CDKL3: variants seen among roughly 807,000 people sequenced by gnomAD.
CDKL3 encodes the protein cyclin-dependent kinase-like 3.
Under a neutral mutation model 69.3 loss-of-function variants are expected in CDKL3, and 65 were observed. That is an observed-to-expected ratio of 0.94 (90% CI 0.77 to 1.15). The LOEUF is 1.15. Among genes scored for constraint, CDKL3 ranks in the 50% most tolerant of loss-of-function variants. The pLI is 0.00. For missense variants in CDKL3, 652 were observed against 689.2 expected (o/e 0.95, Z 0.61); for synonymous variants, 202 against 221.6 (o/e 0.91, Z 0.79).
At chr5:134,350,465 G>A (rs144191392) in intron 3 of CDKL3, 38 bp from the exon 4 acceptor site, 7 of 1,335,996 alleles carry the variant, frequency 5.2e-6, no homozygotes, top group Non-Finnish European at 7.3e-6. Flanking sequence ...ATTAAAATGA[G>A]ATTTCATTAT....
At chr5:134,333,799 T>A (rs1303982911) in intron 4 of CDKL3, among the ~76,000 whole-genome samples, 1 of 152,224 alleles carries the variant, frequency 6.6e-6, no homozygotes, top group Non-Finnish European at 1.5e-5. Flanking sequence ...TGCCAGGCTT[T>A]TGTATCATGA....
chr5:134,371,300 G>T, upstream of CDKL3: 1 of 533,856 alleles, frequency 1.9e-6, no homozygotes, highest in South Asian at 2.0e-5. Flanking sequence ...ACACAAATTT[G>T]TCTATTACTT....
upstream of CDKL3, chr5:134,371,045 A>C (rs945008370): frequency 1.1e-5 from 2 of 185,486 alleles, no homozygotes; most frequent in Non-Finnish European, 2.3e-5. Context: ...ACCCGTTCTA[A>C]ACGCGTCATA....
At chr5:134,325,533 C>T (rs562799748) in intron 4 of CDKL3, among the ~76,000 whole-genome samples, 1 of 150,954 alleles carries the variant, frequency 6.6e-6, no homozygotes, top group Non-Finnish European at 1.5e-5. Flanking sequence ...TATTTAATAA[C>T]AGTTTTCCAG....
chr5:134,334,640 T>C (rs1776613772), intron 4 of CDKL3, among the ~76,000 whole-genome samples: 1 of 152,236 alleles, frequency 6.6e-6, no homozygotes, highest in Non-Finnish European at 1.5e-5. Flanking sequence ...CATTTCTTAA[T>C]CCTGAGTTCT....
intron 3 of CDKL3, among the ~76,000 whole-genome samples, chr5:134,356,409 G>A (rs767581265): frequency 1.3e-5 from 2 of 152,230 alleles, no homozygotes; most frequent in African/African-American, 2.4e-5. Flanking sequence ...GGTATTGGTT[G>A]TGGCCCAGGG....
chr5:134,371,552 G>A (rs759016254), upstream of CDKL3: 22 of 1,604,602 alleles, frequency 1.4e-5, no homozygotes, highest in Non-Finnish European at 1.7e-5. Context: ...GGGGCTGCGC[G>A]GGACTTTTTT....
rs1768437319 is a variant in CDKL3, at chr5:134,308,277, T to A, written c.1225A>T (p.Ile409Phe). ...KLVTIEPPNP[I>F]NPSTNCNGLK... is the part of the protein sequence containing the mutation. ...CCATTACAGTTAGTGCTGGGATTGA[T>A]AGGGTTTGGTGGTTCAATGGTTACA... The change falls in exon 9 of 13, where the codon ATC (isoleucine) becomes TTC (phenylalanine). Residue 409 changes from isoleucine (I) to phenylalanine (F), a missense_variant. Transcript: ENST00000265334. 1 of 1,613,826 alleles carries A rather than the reference T, an allele frequency of 6.2e-7. No individual in the cohort carries two copies. Among genetic ancestry groups the A allele is most frequent in the South Asian group, 1.1e-5 (1 of 91,090 alleles).
intron 1 of CDKL3, 124 bp from the exon 2 acceptor site, chr5:134,366,668 A>C (rs1273899355): frequency 6.9e-6 from 5 of 727,060 alleles, no homozygotes; most frequent in Non-Finnish European, 1.1e-5. Context: ...AAAAAAAAAA[A>C]AGGAATCTTT....
chr5:134,366,031 A>T (rs1199301848), intron 2 of CDKL3, among the ~76,000 whole-genome samples: 2 of 152,200 alleles, frequency 1.3e-5, no homozygotes, highest in African/African-American at 4.8e-5. Context: ...TAAATTATAG[A>T]AGTCTTTAAG....
chr5:134,367,079 G>C lies in CDKL3; in HGVS notation c.-124C>G, dbSNP rs1466061311. On this transcript the variant is annotated 5_prime_UTR_variant, in exon 1 of 13. Coordinates refer to ENST00000265334, the MANE Select transcript of CDKL3 (RefSeq NM_001113575.2). Reference sequence around the variant, plus strand: ...GGTCTGGCTCTGCGTAGTTCCAGTGGAGCCACCGAACACTGATACTACTTT... The same window carrying C: ...GGTCTGGCTCTGCGTAGTTCCAGTGCAGCCACCGAACACTGATACTACTTT... 1.0e-6 allele frequency: 1 copy of C among 986,676 alleles called. No individual in the cohort carries two copies. The highest frequency in any genetic ancestry group is 1.1e-4 in the East Asian group (1 of 8,846). The allele number at this position is 986,676 out of a possible 1,614,324, so 61.1% of individuals were successfully genotyped here. A position where few individuals can be genotyped will look rare whatever the true frequency, so the allele number is the denominator to read the frequency against.
chr5:134,330,068 C>T (rs1775396725), intron 4 of CDKL3, among the ~76,000 whole-genome samples: 1 of 151,518 alleles, frequency 6.6e-6, no homozygotes, highest in African/African-American at 2.4e-5. Flanking sequence ...AAAATATAAA[C>T]TTTATTCTCA....
At chr5:134,303,319 C>T (rs886362363) in intron 11 of CDKL3, among the ~76,000 whole-genome samples, 5 of 152,050 alleles carry the variant, frequency 3.3e-5, no homozygotes, top group African/African-American at 9.7e-5. Flanking sequence ...TCAGGTGATC[C>T]GCCCACCTTG....
At chr5:134,360,844 T>C (rs574093673) in intron 2 of CDKL3, among the ~76,000 whole-genome samples, 1 of 152,304 alleles carries the variant, frequency 6.6e-6, no homozygotes, top group South Asian at 2.1e-4. Context: ...AAACCTAAAC[T>C]CTAGAAAGTA....
At position 134,308,448 on chromosome 5, in the gene CDKL3, T is replaced by G; in HGVS notation, c.1054A>C (p.Lys352Gln). 1 of 1,600,918 alleles carries G rather than the reference T, an allele frequency of 6.2e-7. No individual in the cohort carries two copies. Among genetic ancestry groups the G allele is most frequent in the Non-Finnish European group, 8.5e-7 (1 of 1,175,792 alleles). The change falls in exon 9 of 13, where the codon AAG becomes CAG. Residue 352 changes from lysine to glutamine, a missense_variant. Transcript: ENST00000265334. ...ACTCTGACTTTGATCTCCTTGGGCT[T>G]TTTCTCTTTTTCTATTTCCTGGAAT... The part of the protein sequence containing the change: ...VLGKEIEKEK[K>Q]PKEIKVRVIK...
intron 10 of CDKL3, among the ~76,000 whole-genome samples, chr5:134,306,300 G>T (rs918543920): frequency 6.6e-6 from 1 of 152,114 alleles, no homozygotes; most frequent in African/African-American, 2.4e-5. Context: ...TTTGAGACCA[G>T]CCTGGGCAAC....
chr5:134,299,836 C>G, intron 12 of CDKL3: 1 of 872,424 alleles, frequency 1.1e-6, no homozygotes, highest in South Asian at 1.6e-5. Context: ...AATACTTGTA[C>G]TTTGCCCCTA....
chr5:134,307,632 C>G (rs1025468142), intron 9 of CDKL3, among the ~76,000 whole-genome samples: 5 of 152,188 alleles, frequency 3.3e-5, no homozygotes, highest in African/African-American at 1.2e-4. Context: ...CTTGATTAAC[C>G]AGACTCATGG....
chr5:134,308,430 C>A lies in CDKL3; in HGVS notation c.1072G>T (p.Val358Phe), dbSNP rs1306125569. 2.5e-6 allele frequency: 4 copies of A among 1,612,336 alleles called. No homozygotes were observed. Among genetic ancestry groups the A allele is most frequent in the Non-Finnish European group, 3.4e-6 (4 of 1,179,588 alleles). ...EKEKKPKEIK[V>F]RVIKVKGGRG... ...CCTCCTTTGACTTTAATAACTCTGA[C>A]TTTGATCTCCTTGGGCTTTTTCTCT... The change falls in exon 9 of 13, where the codon GTC becomes TTC. Residue 358 changes from valine to phenylalanine, a missense_variant. Transcript: ENST00000265334.
Sources: allele counts gnomAD v4.1 joint callset (sites outside exome capture counted in the v4.1 genomes callset), GRCh38; gene constraint gnomAD v4.1.1; transcripts MANE v1.5; gene names NCBI Gene and HGNC (gene_info 2026-07-23, HGNC 2026-07-21).